Variants in CFHR2 observed in about 807,000 individuals in gnomAD.
The protein encoded by CFHR2 is complement factor H-related protein 2.
A neutral mutation model predicts 21.7 loss-of-function variants in CFHR2; 22 were observed. The observed-to-expected ratio is 1.01, with a 90% CI of 0.72 to 1.45. The LOEUF is 1.45. Ranked by LOEUF, CFHR2 falls within the 40% of genes most tolerant of loss-of-function variation. The probability of loss-of-function intolerance (pLI) is 0.00; values close to 1 mark genes in which losing one functional copy is unlikely to be tolerated. For synonymous variants in CFHR2, 98 were observed against 97.4 expected (o/e 1.01, Z -0.04); for missense variants, 294 against 293.3 (o/e 1.00, Z -0.02).
intron 3 of CFHR2, among the ~76,000 whole-genome samples, chr1:196,956,316 G>A (rs1294119592): frequency 6.6e-6 from 1 of 152,146 alleles, no homozygotes; most frequent in Non-Finnish European, 1.5e-5. Context: ...ATAGTTTAAT[G>A]TAATTAAGTC....
At position 196,958,641 on chromosome 1, in the gene CFHR2, T is replaced by A. The variant is rs9427652; in HGVS notation, c.614-240T>A. On this transcript the variant is annotated intron_variant, in intron 4 of 4. Coordinates refer to ENST00000367415, the MANE Select transcript of CFHR2 (RefSeq NM_005666.4). ...AATGCAACTATCTTAATATGACAAT[T>A]GATGTTATGAATCTTCAGTGATAAC... Among the ~76,000 whole-genome samples, 48,776 of 151,938 alleles carry A rather than the reference T, an allele frequency of 0.32. 8,348 individuals are homozygous for A. Among genetic ancestry groups the A allele is most frequent in the Middle Eastern group, 0.44 (126 of 288 alleles).
chr1:196,958,801 T>TAACA (rs1653002355), intron 4 of CFHR2, 80 bp from the exon 5 acceptor site: 2 of 888,520 alleles, frequency 2.3e-6, no homozygotes, highest in Non-Finnish European at 3.5e-6. Flanking sequence ...AACCATCATA[T>TAACA]AACATTCTAC....
Position 196,958,898 on chromosome 1 carries a change from C to A in CFHR2, c.631C>A (p.Gln211Lys). The A allele has an allele frequency of 6.3e-7, 1 of 1,583,546 alleles. No homozygotes were observed. The highest frequency in any genetic ancestry group is 8.7e-7 in the Non-Finnish European group (1 of 1,154,598). Residue 211 changes from glutamine to lysine, a missense_variant, in exon 5 of 5, where the codon CAA (glutamine) becomes AAA (lysine). Gln to Lys is a moderately conservative substitution (Grantham distance 53). Transcript: ENST00000367415. ...PKCLDPCVIS[Q>K]EIMEKYNIKL... ...ACTTTCAGATCCATGTGTAATATCA[C>A]AAGAAATTATGGAAAAATATAACAT...
intron 3 of CFHR2, among the ~76,000 whole-genome samples, chr1:196,955,045 A>G (rs1289608781): frequency 2.5e-4 from 38 of 152,338 alleles, no homozygotes; most frequent in Non-Finnish European, 2.9e-5. Flanking sequence ...TCCCCAGAAT[A>G]TGAGTTTTCT....
rs1652752585 is a variant in CFHR2 at position 196,953,834 on chromosome 1, A to AT, written c.430+2812dup. ...TATGAGATTATTAGAAAATATTTCA[A>AT]TTTTTTGTGTATACTTGATTTATTT... On this transcript the variant is annotated intron_variant, in intron 3 of 4. Transcript: ENST00000367415. Among the ~76,000 whole-genome samples, 6 of 152,298 alleles carry AT rather than the reference A, an allele frequency of 3.9e-5. No homozygotes were observed. The South Asian group carries it at 1.2e-3, about 32-fold the overall frequency.
At chr1:196,952,891 C>A (rs141866374) in intron 3 of CFHR2, among the ~76,000 whole-genome samples, 309 of 152,310 alleles carry the variant, frequency 2.0e-3, no homozygotes, top group Admixed American at 7.1e-3. Context: ...TGCTACCTTT[C>A]CCTCTTTGCC....
intron 3 of CFHR2, among the ~76,000 whole-genome samples, chr1:196,951,797 C>T (rs1208147289): frequency 6.6e-6 from 1 of 152,116 alleles, no homozygotes; most frequent in East Asian, 1.9e-4. Flanking sequence ...TTATTAGTCT[C>T]AACTAAAGAA....
In CFHR2 at chr1:196,950,926, G is replaced by A. The variant is rs555718330; in HGVS notation, c.328G>A (p.Val110Ile). The change falls in exon 3 of 5, where the codon GTA (valine) becomes ATA (isoleucine). Residue 110 changes from valine to isoleucine, a missense_variant. Val to Ile is a conservative substitution (Grantham distance 29, BLOSUM62 3). Transcript: ENST00000367415. ...ACAAACACATCTGGAAGGTGATACTGTACAAATTATTTGCAACACAGGATA... is the reference window on the plus strand; with the variant it reads ...ACAAACACATCTGGAAGGTGATACTATACAAATTATTTGCAACACAGGATA... ...SGQTHLEGDT[V>I]QIICNTGYRL... 7 of 1,613,988 alleles carry A rather than the reference G, an allele frequency of 4.3e-6. No homozygotes were observed. The East Asian group carries it at 1.6e-4, about 36-fold the overall frequency.
intron 1 of CFHR2, among the ~76,000 whole-genome samples, chr1:196,948,208 T>G (rs1265646774): frequency 6.6e-6 from 1 of 152,156 alleles, no homozygotes; most frequent in Non-Finnish European, 1.5e-5. Context: ...TATGCAAGTC[T>G]CTAAGACAGA....
chr1:196,951,132 A>G, intron 3 of CFHR2, 104 bp downstream of exon 3: 2 of 1,315,496 alleles, frequency 1.5e-6, no homozygotes, highest in South Asian at 1.4e-5. Context: ...GTTTTGCCAC[A>G]TACTTCTATC....
intron 3 of CFHR2, among the ~76,000 whole-genome samples, chr1:196,952,322 A>T (rs1424005856): frequency 6.6e-6 from 1 of 152,184 alleles, no homozygotes; most frequent in African/African-American, 2.4e-5. Context: ...AAAACAGCTG[A>T]AACTGTGACA....
At chr1:196,954,424 G>A (rs541728182) in intron 3 of CFHR2, among the ~76,000 whole-genome samples, 1 of 152,310 alleles carries the variant, frequency 6.6e-6, no homozygotes, top group South Asian at 2.1e-4. Context: ...AGCCTTTCCA[G>A]GTGCATAGTA....
At chr1:196,950,036 T>G (rs1372449373) in intron 2 of CFHR2, among the ~76,000 whole-genome samples, 1 of 152,220 alleles carries the variant, frequency 6.6e-6, no homozygotes, top group African/African-American at 2.4e-5. Context: ...AGGTTTAGCA[T>G]TTTCACTTTT....
In CFHR2 at chr1:196,949,518, C is replaced by T; in HGVS notation, c.122C>T (p.Pro41Leu). The T allele has an allele frequency of 1.2e-6, 2 of 1,613,834 alleles. No homozygotes were observed. Among genetic ancestry groups the T allele is most frequent in the Non-Finnish European group, 1.7e-6 (2 of 1,179,870 alleles). Residue 41 changes from proline to leucine, a missense_variant, in exon 2 of 5, where the codon CCA becomes CTA. Physicochemically the swap from Pro to Leu is moderately conservative, Grantham distance 98 (BLOSUM62 -3). Transcript: ENST00000367415. ...CTATATGATGAAGAAAAATATAAGC[C>T]ATTTTCCCAAGTTCCTACAGGGGAA... Reference protein sequence around the residue: ...GILYDEEKYKPFSQVPTGEVF... With the variant: ...GILYDEEKYKLFSQVPTGEVF...
At chr1:196,955,846 C>A (rs1207651379) in intron 3 of CFHR2, among the ~76,000 whole-genome samples, 1 of 151,558 alleles carries the variant, frequency 6.6e-6, no homozygotes, top group Non-Finnish European at 1.5e-5. Context: ...GACTCTGTCT[C>A]AAAAAAATAA....
intron 3 of CFHR2, among the ~76,000 whole-genome samples, chr1:196,953,931 A>G (rs1164887837): frequency 1.3e-5 from 2 of 152,176 alleles, no homozygotes; most frequent in Non-Finnish European, 1.5e-5. Flanking sequence ...TTATGAACTA[A>G]CCATTAATGA....
chr1:196,948,638 A>T (rs982038507), intron 1 of CFHR2, among the ~76,000 whole-genome samples: 1 of 152,160 alleles, frequency 6.6e-6, no homozygotes, highest in African/African-American at 2.4e-5. Flanking sequence ...TAAATGCTAT[A>T]CAAATAGTTG....
intron 3 of CFHR2, among the ~76,000 whole-genome samples, chr1:196,954,912 C>T (rs1362815411): frequency 1.3e-5 from 2 of 152,300 alleles, no homozygotes; most frequent in Non-Finnish European, 1.5e-5. Flanking sequence ...GGCCTTTGGG[C>T]CTGTGATTGG....
At chr1:196,947,153 G>GTGTGTGTATATA (rs545777035) in intron 1 of CFHR2, among the ~76,000 whole-genome samples, 26 of 151,774 alleles carry the variant, frequency 1.7e-4, no homozygotes, top group African/African-American at 6.3e-4. Flanking sequence ...GTGTGTGTGT[G>GTGTGTGTATATA]TATCCCAGAA....
Sources: allele counts gnomAD v4.1 joint callset (sites outside exome capture counted in the v4.1 genomes callset), GRCh38; gene constraint gnomAD v4.1.1; transcripts MANE v1.5; gene names NCBI Gene and HGNC (gene_info 2026-07-23, HGNC 2026-07-21).